OLFM3: variants seen among roughly 807,000 people sequenced by gnomAD.
OLFM3 encodes the protein olfactomedin 3, also known as noelin-3.
In OLFM3, 20 loss-of-function variants were observed where a neutral mutation model predicts 48.6. That is an observed-to-expected ratio of 0.41 (90% CI 0.29 to 0.60). The LOEUF (loss-of-function observed/expected upper bound fraction) is 0.60. Ranked by LOEUF, OLFM3 falls within the 20% of genes least tolerant of loss-of-function variation. The pLI is 0.28. For synonymous variants in OLFM3, 222 were observed against 198.1 expected (o/e 1.12, Z -1.01); for missense variants, 437 against 544.3 (o/e 0.80, Z 1.96).
intron 4 of OLFM3, among the ~76,000 whole-genome samples, chr1:101,814,892 C>T (rs1654253922): frequency 6.6e-6 from 1 of 152,022 alleles, no homozygotes; most frequent in African/African-American, 2.4e-5. Flanking sequence ...TTGCAAAGGC[C>T]TTAATACGCT....
intron 1 of OLFM3, among the ~76,000 whole-genome samples, chr1:101,888,482 C>G (rs1364563386): frequency 6.6e-6 from 1 of 152,104 alleles, no homozygotes; most frequent in Non-Finnish European, 1.5e-5. Context: ...TTCCTTACAC[C>G]TTATACAAAA....
chr1:101,889,169 T>A (rs1203376149), intron 1 of OLFM3, among the ~76,000 whole-genome samples: 1 of 152,180 alleles, frequency 6.6e-6, no homozygotes, highest in Admixed American at 6.5e-5. Context: ...CCCAAAGGAT[T>A]ATAAATCATG....
At chr1:101,823,560 G>C (rs916819644) in intron 4 of OLFM3, among the ~76,000 whole-genome samples, 19 of 152,006 alleles carry the variant, frequency 1.2e-4, no homozygotes, top group Admixed American at 1.2e-3. Flanking sequence ...AGAAGCAGAA[G>C]GGGCCACACA....
intron 4 of OLFM3, among the ~76,000 whole-genome samples, chr1:101,809,340 G>A (rs1452044970): frequency 6.6e-6 from 1 of 151,866 alleles, no homozygotes; most frequent in African/African-American, 2.4e-5. Flanking sequence ...AAGAATATGA[G>A]CTTGTCACAT....
chr1:101,974,781 TG>T, intron 1 of OLFM3, among the ~76,000 whole-genome samples: 1 of 152,292 alleles, frequency 6.6e-6, no homozygotes, highest in South Asian at 2.1e-4. Context: ...CTTTTTTGTT[TG>T]GTCCTGGGTT....
chr1:101,824,993 C>G lies in OLFM3; in HGVS notation c.592+33G>C, dbSNP rs147619861. ...AATTTTCTTTGAAACTATATAAAAA[C>G]GTAACTTAGACAAATTAAATTGTCA... is the stretch of plus-strand genomic sequence containing the variant. On this transcript the variant is annotated intron_variant, in intron 4 of 5. Coordinates refer to ENST00000370103, the MANE Select transcript of OLFM3 (RefSeq NM_058170.4). 62 of 1,566,368 alleles carry G rather than the reference C, an allele frequency of 4.0e-5. 1 individual carries two copies. The East Asian group carries it at 1.3e-3, about 34-fold the overall frequency.
chr1:101,981,857 A>C (rs1661114431), intron 1 of OLFM3, among the ~76,000 whole-genome samples: 1 of 152,230 alleles, frequency 6.6e-6, no homozygotes. Context: ...TTTTATTTAT[A>C]GAATGAGTAA....
chr1:101,808,637 T>G (rs2100864498), intron 4 of OLFM3, among the ~76,000 whole-genome samples: 1 of 151,870 alleles, frequency 6.6e-6, no homozygotes, highest in Non-Finnish European at 1.5e-5. Context: ...CCTAGGGTGA[T>G]TAATACAGAC....
intron 4 of OLFM3, among the ~76,000 whole-genome samples, chr1:101,809,902 T>G (rs1250913526): frequency 2.0e-5 from 3 of 151,952 alleles, no homozygotes; most frequent in Non-Finnish European, 4.4e-5. Flanking sequence ...GCTATAATAA[T>G]GTAAACACTC....
chr1:101,969,746 G>A (rs578029918), intron 1 of OLFM3, among the ~76,000 whole-genome samples: 15 of 151,264 alleles, frequency 9.9e-5, no homozygotes, highest in African/African-American at 2.9e-4. Flanking sequence ...TTTTTCCCCC[G>A]TCCATACCAT....
chr1:101,852,741 A>G (rs1408418662), intron 1 of OLFM3, among the ~76,000 whole-genome samples: 7 of 152,118 alleles, frequency 4.6e-5, no homozygotes, highest in African/African-American at 1.7e-4. Context: ...AAAAATACAC[A>G]TGCAGCCATT....
intron 1 of OLFM3, among the ~76,000 whole-genome samples, chr1:101,930,595 T>C (rs1659416653): frequency 6.6e-6 from 1 of 152,196 alleles, no homozygotes; most frequent in Admixed American, 6.5e-5. Flanking sequence ...CCTGGTTCTA[T>C]AGCTGTACAG....
intron 1 of OLFM3, among the ~76,000 whole-genome samples, chr1:101,879,720 A>T (rs1175529107): frequency 6.6e-6 from 1 of 151,866 alleles, no homozygotes; most frequent in African/African-American, 2.4e-5. Flanking sequence ...AATATCTTTT[A>T]TTCTGTATTC....
At chr1:101,987,135 T>C (rs1661264693) in intron 1 of OLFM3, among the ~76,000 whole-genome samples, 1 of 152,214 alleles carries the variant, frequency 6.6e-6, no homozygotes, top group South Asian at 2.1e-4. Context: ...GACAAAGAGG[T>C]CATGAAGCTT....
intron 4 of OLFM3, among the ~76,000 whole-genome samples, chr1:101,808,318 GT>G (rs1214942095): frequency 2.0e-5 from 3 of 151,722 alleles, no homozygotes; most frequent in African/African-American, 7.3e-5. Context: ...TAGTGAAGAA[GT>G]TTTAACCAAT....
chr1:101,975,052 A>G (rs1291313458), intron 1 of OLFM3, among the ~76,000 whole-genome samples: 1 of 152,164 alleles, frequency 6.6e-6, no homozygotes, highest in African/African-American at 2.4e-5. Context: ...TCATCAGTTC[A>G]TGGTCTGTGG....
At chr1:101,923,915 G>T (rs1659180249) in intron 1 of OLFM3, among the ~76,000 whole-genome samples, 1 of 151,922 alleles carries the variant, frequency 6.6e-6, no homozygotes, top group Non-Finnish European at 1.5e-5. Flanking sequence ...AAATATAACT[G>T]TGATAACAGA....
chr1:101,991,734 A>T (rs1313769660), intron 1 of OLFM3, among the ~76,000 whole-genome samples: 1 of 150,166 alleles, frequency 6.7e-6, no homozygotes, highest in Non-Finnish European at 1.5e-5. Context: ...TTAATGAATG[A>T]TCTCTTCAGG....
intron 1 of OLFM3, among the ~76,000 whole-genome samples, chr1:101,920,923 C>A (rs1187598421): frequency 6.6e-6 from 1 of 152,168 alleles, no homozygotes; most frequent in East Asian, 1.9e-4. Context: ...GAATTTTTCT[C>A]AAAAGTTTTT....
Sources: gnomAD v4.1 joint callset for allele counts (sites outside exome capture counted in the v4.1 genomes callset) on GRCh38, gnomAD v4.1.1 for gene constraint, MANE v1.5 for transcripts, NCBI Gene and HGNC (gene_info 2026-07-23, HGNC 2026-07-21) for gene names.